The following GRIN2B variants were observed in gnomAD, a reference collection of about 807,000 sequenced individuals.
GRIN2B encodes glutamate ionotropic receptor NMDA type subunit 2B.
Under a neutral mutation model 114.5 loss-of-function variants are expected in GRIN2B, and 5 were observed. That is an observed-to-expected ratio of 0.04 (90% CI 0.02 to 0.09). The LOEUF (loss-of-function observed/expected upper bound fraction) is 0.09. Ranked by LOEUF, GRIN2B falls within the 10% of genes least tolerant of loss-of-function variation. The pLI, the probability that GRIN2B is intolerant of heterozygous loss-of-function variation, is 1.00. For missense variants in GRIN2B, 1,108 were observed against 1,943.5 expected, an observed-to-expected ratio of 0.57 and a Z score of 8.08; for synonymous variants, 787 against 745.1, an observed-to-expected ratio of 1.06 and a Z score of -0.92.
chr12:13,949,645 T>C (rs1233979196), intron 2 of GRIN2B, among the ~76,000 whole-genome samples: 5 of 152,190 alleles, frequency 3.3e-5, no homozygotes, highest in African/African-American at 9.6e-5. Flanking sequence ...GTGGTGGACA[T>C]AGCATCGTTA....
rs1287196231 is a variant in GRIN2B at position 13,557,733 on chromosome 12, G to A, written c.*5050C>T. ...TAAATGTCTTTGCCATCTAGAACCT[G>A]TATCCTTGTTCCCTACTCTATTGCT... On this transcript the variant is annotated 3_prime_UTR_variant, in exon 14 of 14. Transcript: ENST00000609686. 3.3e-5 allele frequency: 5 copies of A among 152,214 alleles called. No individual in the cohort carries two copies. The highest frequency in any genetic ancestry group is 7.3e-5 in the Non-Finnish European group (5 of 68,032). The allele number at this position is 152,214 out of a possible 1,614,324, so 9.4% of individuals were successfully genotyped here. A position where few individuals can be genotyped will look rare whatever the true frequency, so the allele number is the denominator to read the frequency against.
intron 10 of GRIN2B, among the ~76,000 whole-genome samples, chr12:13,584,797 A>C (rs906225357): frequency 3.3e-5 from 5 of 152,252 alleles, no homozygotes; most frequent in African/African-American, 1.2e-4. Flanking sequence ...AAACAGAGGC[A>C]TAAGGACAGA....
rs1948484244 is a variant in GRIN2B, at chr12:13,556,869, G to A, written c.*5914C>T. ...GCTCTTGAGAGATGTAGAGAGAAAT[G>A]TGGAAGATTTCTAACTTTCCCTACT... On this transcript the variant is annotated 3_prime_UTR_variant, in exon 14 of 14. Coordinates refer to ENST00000609686, the MANE Select transcript of GRIN2B (RefSeq NM_000834.5). 1 of 152,152 alleles carries A rather than the reference G, an allele frequency of 6.6e-6. No homozygotes were observed. The highest frequency in any genetic ancestry group is 1.5e-5 in the Non-Finnish European group (1 of 68,020). The allele number at this position is 152,152 out of a possible 1,614,324, so 9.4% of individuals were successfully genotyped here. A position where few individuals can be genotyped will look rare whatever the true frequency, so the allele number is the denominator to read the frequency against.
At chr12:13,944,046 TTAAG>T (rs1434343480) in intron 2 of GRIN2B, among the ~76,000 whole-genome samples, 1 of 152,172 alleles carries the variant, frequency 6.6e-6, no homozygotes, top group Non-Finnish European at 1.5e-5. Flanking sequence ...TTTGGGTACT[TTAAG>T]TTTCATTTGT....
At chr12:13,876,391 A>G (rs944971415) in intron 2 of GRIN2B, among the ~76,000 whole-genome samples, 1 of 152,226 alleles carries the variant, frequency 6.6e-6, no homozygotes, top group African/African-American at 2.4e-5. Context: ...TCAGAGGCAG[A>G]CAAGGAGCTT....
At position 13,692,760 on chromosome 12, in the gene GRIN2B, C is replaced by CTTTCTTTTTT. The variant is rs1427827056; in HGVS notation, c.1011-16902_1011-16901insAAAAAAGAAA. On this transcript the variant is annotated intron_variant, in intron 4 of 13. Transcript: ENST00000609686. ...ACTTATTTTCATTAATCTTTCTTTT[C>CTTTCTTTTTT]TTTTTTTTTTTTTTTTTTTTTTTTT... 1.0e-3 allele frequency among the ~76,000 whole-genome samples: 53 copies of CTTTCTTTTTT among 52,120 alleles called. 1 individual carries two copies. The highest frequency in any genetic ancestry group is 2.6e-3 in the African/African-American group (27 of 10,546). 34.2% of individuals were successfully genotyped at this position (52,120 alleles called of 152,430 possible).
intron 4 of GRIN2B, among the ~76,000 whole-genome samples, chr12:13,713,945 G>T (rs1196418746): frequency 2.0e-5 from 3 of 151,720 alleles, no homozygotes; most frequent in African/African-American, 7.3e-5. Flanking sequence ...GCTCCTTTGT[G>T]ACCTTAAGGG....
At chr12:13,819,379 C>T (rs1047261590) in intron 3 of GRIN2B, among the ~76,000 whole-genome samples, 2 of 124,000 alleles carry the variant, frequency 1.6e-5, no homozygotes, top group African/African-American at 6.7e-5. Context: ...GACAATACCA[C>T]CTCCAGCTGA....
At chr12:13,812,246 T>C (rs1447552617) in intron 3 of GRIN2B, among the ~76,000 whole-genome samples, 1 of 140,364 alleles carries the variant, frequency 7.1e-6, no homozygotes, top group Non-Finnish European at 1.6e-5. Context: ...CAGAAGAAAC[T>C]GCAAAAAAAA....
chr12:13,605,391 G>C (rs73047488), intron 10 of GRIN2B, among the ~76,000 whole-genome samples: 39,646 of 151,872 alleles, frequency 0.26, 5,943 homozygotes, highest in Middle Eastern at 0.44. Context: ...CAGATGCATA[G>C]ATAGAGGTAT....
At chr12:13,590,995 G>C (rs751911935) in intron 10 of GRIN2B, among the ~76,000 whole-genome samples, 4 of 152,140 alleles carry the variant, frequency 2.6e-5, no homozygotes, top group Non-Finnish European at 5.9e-5. Context: ...AGACCCACAA[G>C]GTTGGCTGCA....
At chr12:13,774,301 G>GT in intron 3 of GRIN2B, among the ~76,000 whole-genome samples, 1 of 152,298 alleles carries the variant, frequency 6.6e-6, no homozygotes, top group South Asian at 2.1e-4. Flanking sequence ...TTGCTAGTGG[G>GT]TTTTTATCAA....
intron 2 of GRIN2B, among the ~76,000 whole-genome samples, chr12:13,965,988 T>C (rs1867784627): frequency 6.6e-6 from 1 of 152,206 alleles, no homozygotes; most frequent in Non-Finnish European, 1.5e-5. Context: ...GAGAGCAAGC[T>C]GATCTCCTAA....
intron 2 of GRIN2B, among the ~76,000 whole-genome samples, chr12:13,901,335 A>C (rs564647017): frequency 9.2e-5 from 14 of 152,004 alleles, no homozygotes; most frequent in Non-Finnish European, 2.1e-4. Context: ...TTTTATTATT[A>C]CTCATTTATA....
rs1565449099 is a variant in GRIN2B, at chr12:13,557,416, T to C, written c.*5367A>G. 3 of 152,334 alleles carry C rather than the reference T, an allele frequency of 2.0e-5. No homozygotes were observed. In the East Asian group the frequency reaches 5.8e-4, roughly 29 times the overall value. The allele number at this position is 152,334 out of a possible 1,614,324, so 9.4% of individuals were successfully genotyped here. A position where few individuals can be genotyped will look rare whatever the true frequency, so the allele number is the denominator to read the frequency against. Reference sequence around the variant, plus strand: ...TAGACCAACTCAGCTAATTGGAAGATTAATTAAACTGGGACAGAAACCAGA... The same window carrying C: ...TAGACCAACTCAGCTAATTGGAAGACTAATTAAACTGGGACAGAAACCAGA... On this transcript the variant is annotated 3_prime_UTR_variant, in exon 14 of 14. Transcript: ENST00000609686.
chr12:13,728,573 A>T (rs1003247289), intron 4 of GRIN2B, among the ~76,000 whole-genome samples: 3 of 152,142 alleles, frequency 2.0e-5, no homozygotes, highest in African/African-American at 7.2e-5. Context: ...ATGGAGAAAA[A>T]GGCCAAAGAG....
intron 4 of GRIN2B, among the ~76,000 whole-genome samples, chr12:13,723,970 G>C (rs1016279708): frequency 6.6e-6 from 1 of 152,078 alleles, no homozygotes; most frequent in African/African-American, 2.4e-5. Flanking sequence ...AATTCTAATA[G>C]GAAATTCCAA....
Position 13,867,086 on chromosome 12 carries a change from C to T in GRIN2B, c.-18-860G>A, listed in dbSNP as rs553714973. ...ATTATTATAAGGAACACATATTACT[C>T]CAATCTATTTATACACCAAAATACA... On this transcript the variant is annotated intron_variant, in intron 2 of 13. Transcript: ENST00000609686. 3.9e-5 allele frequency among the ~76,000 whole-genome samples: 6 copies of T among 152,276 alleles called. No homozygotes were observed. In the South Asian group the frequency reaches 1.2e-3, roughly 32 times the overall value.
chr12:13,813,533 T>TA (rs1233942731), intron 3 of GRIN2B, among the ~76,000 whole-genome samples: 1 of 152,090 alleles, frequency 6.6e-6, no homozygotes, highest in African/African-American at 2.4e-5. Flanking sequence ...GTAATAATAA[T>TA]AGCTAGCATT....
Sources: allele counts gnomAD v4.1 joint callset (sites outside exome capture counted in the v4.1 genomes callset), GRCh38; gene constraint gnomAD v4.1.1; transcripts MANE v1.5; gene names NCBI Gene and HGNC (gene_info 2026-07-23, HGNC 2026-07-21).